The following KIAA1958 variants were observed in gnomAD, a reference collection of about 807,000 sequenced individuals.
The protein encoded by KIAA1958 is KIAA1958.
In KIAA1958, 14 loss-of-function variants were observed where a neutral mutation model predicts 47.2. The ratio of observed to expected loss-of-function variants is 0.30; its 90% confidence interval spans 0.20 to 0.46. KIAA1958 has a LOEUF of 0.46. Among genes scored for constraint, KIAA1958 ranks in the 20% least tolerant of loss-of-function variants. KIAA1958 has a pLI of 1.00. For synonymous variants in KIAA1958, 354 were observed against 353.3 expected (o/e 1.00, Z -0.02); for missense variants, 803 against 909.2 (o/e 0.88, Z 1.50).
chr9:112,532,216 T>C (rs1834762201), intron 1 of KIAA1958, among the ~76,000 whole-genome samples: 1 of 152,220 alleles, frequency 6.6e-6, no homozygotes, highest in African/African-American at 2.4e-5. Flanking sequence ...GGGTCATATA[T>C]GGAAGATTAT....
chr9:112,592,535 G>A (rs1163145886), intron 2 of KIAA1958, among the ~76,000 whole-genome samples: 2 of 152,192 alleles, frequency 1.3e-5, no homozygotes, highest in African/African-American at 2.4e-5. Context: ...GTCATTGTAA[G>A]GAACAAGTTA....
rs535312442 is a variant in KIAA1958 at position 112,549,949 on chromosome 9, A to G, written c.-24-24108A>G. On this transcript the variant is annotated intron_variant, in intron 1 of 3. Transcript: ENST00000337530. ...AAATCCTGCTGTAAATCAAGTTGTA[A>G]AATTTGAGTAGGAAGGTGTTTTGCC... 6.6e-5 allele frequency among the ~76,000 whole-genome samples: 10 copies of G among 152,344 alleles called. No homozygotes were observed. The South Asian group carries it at 2.1e-3, about 32-fold the overall frequency.
At chr9:112,535,700 A>C (rs1332932907) in intron 1 of KIAA1958, among the ~76,000 whole-genome samples, 4 of 152,054 alleles carry the variant, frequency 2.6e-5, no homozygotes, top group Non-Finnish European at 5.9e-5. Flanking sequence ...AACAGTGTAC[A>C]AGGGTTCTCT....
intron 2 of KIAA1958, among the ~76,000 whole-genome samples, chr9:112,603,579 C>G (rs1836173510): frequency 6.6e-6 from 1 of 152,206 alleles, no homozygotes; most frequent in African/African-American, 2.4e-5. Context: ...TCTCTCTCCT[C>G]TCCCTCTTTC....
At chr9:112,604,657 C>T (rs1243196600) in intron 2 of KIAA1958, among the ~76,000 whole-genome samples, 1 of 152,064 alleles carries the variant, frequency 6.6e-6, no homozygotes, top group Non-Finnish European at 1.5e-5. Flanking sequence ...AGGGAGCTAA[C>T]GTAAATGCAA....
In KIAA1958 at chr9:112,659,595, G is replaced by A; in HGVS notation, c.1677G>A (p.Val559=). The A allele has an allele frequency of 6.2e-7, 1 of 1,613,744 alleles. No homozygotes were observed. The highest frequency in any genetic ancestry group is 8.5e-7 in the Non-Finnish European group (1 of 1,179,856). The change falls in exon 4 of 4, where the codon GTG becomes GTA. Residue 559 remains valine, a synonymous_variant. Coordinates refer to ENST00000337530, the MANE Select transcript of KIAA1958 (RefSeq NM_133465.4). The part of the protein sequence containing the change: ...DDSPITLLST[V]VKYNSQYLNM... ...GCCCTATCACTCTCCTGTCCACTGT[G>A]GTCAAGTACAACAGCCAGTACCTGA... is the stretch of plus-strand genomic sequence containing the variant.
intron 1 of KIAA1958, among the ~76,000 whole-genome samples, chr9:112,495,827 A>G (rs926219150): frequency 5.3e-5 from 8 of 152,210 alleles, no homozygotes; most frequent in Admixed American, 3.3e-4. Context: ...TGCTCTGGCT[A>G]GTTGGACATT....
chr9:112,538,847 A>C (rs1257039016), intron 1 of KIAA1958, among the ~76,000 whole-genome samples: 1 of 152,244 alleles, frequency 6.6e-6, no homozygotes, highest in African/African-American at 2.4e-5. Context: ...AGTGTTTTAC[A>C]GTATTAAATC....
At chr9:112,537,392 C>T (rs1009550203) in intron 1 of KIAA1958, among the ~76,000 whole-genome samples, 5 of 152,162 alleles carry the variant, frequency 3.3e-5, no homozygotes, top group African/African-American at 9.7e-5. Context: ...TGAGCCACTG[C>T]GCTGGGCCAG....
At chr9:112,488,260 A>T (rs918208754) in intron 1 of KIAA1958, among the ~76,000 whole-genome samples, 3 of 152,172 alleles carry the variant, frequency 2.0e-5, no homozygotes, top group African/African-American at 7.2e-5. Flanking sequence ...TATTCCACGT[A>T]TATAACCCAA....
chr9:112,629,944 T>G (rs1836680212), intron 2 of KIAA1958, among the ~76,000 whole-genome samples: 1 of 152,244 alleles, frequency 6.6e-6, no homozygotes, highest in Non-Finnish European at 1.5e-5. Context: ...CAAAGCTGGC[T>G]GATTTTTGTA....
In KIAA1958 at chr9:112,659,504, A is replaced by G; in HGVS notation, c.1586A>G (p.Asn529Ser). 6.2e-7 allele frequency: 1 copy of G among 1,613,562 alleles called. No individual in the cohort carries two copies. Among genetic ancestry groups the G allele is most frequent in the Non-Finnish European group, 8.5e-7 (1 of 1,179,758 alleles). ...KAGMSGARSRNIVYFSLSDEE... is the reference protein window; with the variant it reads ...KAGMSGARSRSIVYFSLSDEE... Reference sequence around the variant, plus strand: ...GGCATGTCGGGCGCGCGTTCTCGCAACATCGTCTACTTCTCCCTTTCTGAC... The same window carrying G: ...GGCATGTCGGGCGCGCGTTCTCGCAGCATCGTCTACTTCTCCCTTTCTGAC... The change falls in exon 4 of 4, where the codon AAC (asparagine) becomes AGC (serine). Residue 529 changes from asparagine (N) to serine (S), a missense_variant. Around this residue, in one of 2 missense-constraint regions of KIAA1958, gnomAD observed 761 missense variants for 829.3 expected, o/e 0.92. Coordinates refer to ENST00000337530, the MANE Select transcript of KIAA1958 (RefSeq NM_133465.4).
rs1478392678 is a variant in KIAA1958 at position 112,618,532 on chromosome 9, C to G, written c.1172-27118C>G. On this transcript the variant is annotated intron_variant, in intron 2 of 3. Coordinates refer to ENST00000337530, the MANE Select transcript of KIAA1958 (RefSeq NM_133465.4). The surrounding 1 kb of genome is among the most constrained non-coding windows in gnomAD (Gnocchi z 7.1). ...CCCGTGTGTATGCCACCCAGCACGC[C>G]CCACAGACCTGCCCTGTCCAGGACT... is the stretch of plus-strand genomic sequence containing the variant. 2.6e-6 allele frequency: 4 copies of G among 1,550,578 alleles called. No homozygotes were observed. Among genetic ancestry groups the G allele is most frequent in the African/African-American group, 1.4e-5 (1 of 73,046 alleles).
intron 1 of KIAA1958, among the ~76,000 whole-genome samples, chr9:112,498,302 T>C (rs922904849): frequency 4.6e-5 from 7 of 152,180 alleles, no homozygotes; most frequent in Non-Finnish European, 7.4e-5. Flanking sequence ...GTTCAGTTGT[T>C]TTTAGAAACC....
At chr9:112,591,798 T>C (rs1453916204) in intron 2 of KIAA1958, among the ~76,000 whole-genome samples, 1 of 151,908 alleles carries the variant, frequency 6.6e-6, no homozygotes, top group Non-Finnish European at 1.5e-5. Flanking sequence ...GAGGCTGAGG[T>C]GGGAATGTTA....
chr9:112,647,701 C>T (rs1836999149), intron 3 of KIAA1958, among the ~76,000 whole-genome samples: 1 of 152,208 alleles, frequency 6.6e-6, no homozygotes, highest in South Asian at 2.1e-4. Context: ...CCAGACACAA[C>T]ATGTGAAACA....
chr9:112,552,107 A>G (rs1230854198), intron 1 of KIAA1958, among the ~76,000 whole-genome samples: 1 of 152,152 alleles, frequency 6.6e-6, no homozygotes, highest in Non-Finnish European at 1.5e-5. Context: ...CTTTTGCCTC[A>G]TCATTATAGG....
chr9:112,539,593 C>T (rs1206994524), intron 1 of KIAA1958, among the ~76,000 whole-genome samples: 1 of 151,128 alleles, frequency 6.6e-6, no homozygotes, highest in African/African-American at 2.4e-5. Context: ...TGAAGATGTT[C>T]TAAAATTGAT....
intron 1 of KIAA1958, among the ~76,000 whole-genome samples, chr9:112,505,383 G>A (rs1317070317): frequency 2.6e-5 from 4 of 152,174 alleles, no homozygotes; most frequent in Non-Finnish European, 2.9e-5. Flanking sequence ...TAAGTATATA[G>A]CCCATGGGGT....
Sources: allele counts gnomAD v4.1 joint callset (sites outside exome capture counted in the v4.1 genomes callset), GRCh38; gene constraint gnomAD v4.1.1; regional missense constraint gnomAD v4.1.1; non-coding constraint Gnocchi (gnomAD v3.1); transcripts MANE v1.5; gene names NCBI Gene and HGNC (gene_info 2026-07-23, HGNC 2026-07-21).